Variants in SORBS2 observed in about 807,000 individuals in gnomAD.
SORBS2 encodes sorbin and SH3 domain-containing protein 2.
Under a neutral mutation model 97.7 loss-of-function variants are expected in SORBS2, and 46 were observed. The ratio of observed to expected loss-of-function variants is 0.47; its 90% CI spans 0.37 to 0.60. The LOEUF (loss-of-function observed/expected upper bound fraction) is 0.60, where lower values mean the gene tolerates loss of function less well. Among genes scored for constraint, SORBS2 ranks in the 20% least tolerant of loss-of-function variants. The pLI, the probability that SORBS2 is intolerant of heterozygous loss-of-function variation, is 0.00. For missense variants in SORBS2, 1,316 were observed against 1,282.3 expected (o/e 1.03, Z -0.40); for synonymous variants, 476 against 473.4 (o/e 1.01, Z -0.07).
intron 1 of SORBS2, among the ~76,000 whole-genome samples, chr4:185,804,230 C>T (rs1023669999): frequency 1.6e-4 from 24 of 152,210 alleles, no homozygotes; most frequent in Admixed American, 3.9e-4. Context: ...TGGAACCACA[C>T]GCAGGTTACC....
At chr4:185,686,417 C>A (rs2097960329) in intron 2 of SORBS2, among the ~76,000 whole-genome samples, 2 of 151,898 alleles carry the variant, frequency 1.3e-5, no homozygotes, top group African/African-American at 2.4e-5. Context: ...AACCAGAAAA[C>A]CAACTTGAAA....
intron 1 of SORBS2, among the ~76,000 whole-genome samples, chr4:185,828,801 G>T (rs972310584): frequency 6.6e-6 from 1 of 152,128 alleles, no homozygotes; most frequent in Non-Finnish European, 1.5e-5. Context: ...GGGCTTTGCA[G>T]GTCAGGCGAT....
intron 1 of SORBS2, chr4:185,775,728 A>T (rs1560956288): frequency 6.6e-6 from 1 of 152,344 alleles, no homozygotes; most frequent in East Asian, 1.9e-4. Context: ...GAGATGTCCT[A>T]CTTATGCTTT....
intron 1 of SORBS2, among the ~76,000 whole-genome samples, chr4:185,864,229 C>T (rs981280337): frequency 6.6e-6 from 1 of 152,090 alleles, no homozygotes; most frequent in Non-Finnish European, 1.5e-5. Flanking sequence ...TCAAGAAAAA[C>T]ACTCATGCCA....
At chr4:185,932,102 TACAC>T (rs1419689704) in intron 1 of SORBS2, among the ~76,000 whole-genome samples, 2 of 151,682 alleles carry the variant, frequency 1.3e-5, no homozygotes, top group Non-Finnish European at 2.9e-5. Flanking sequence ...GTTTATTATA[TACAC>T]ATAATAAACA....
intron 4 of SORBS2, chr4:185,635,387 C>T (rs1388181905): frequency 6.2e-7 from 1 of 1,613,734 alleles, no homozygotes; most frequent in Non-Finnish European, 8.5e-7. Flanking sequence ...TGATCTTGAA[C>T]ATAGTCCAGA....
chr4:185,731,860 CTCTCTCTATATATATA>C lies in SORBS2; in HGVS notation c.-198+43351_-198+43366del, dbSNP rs1307797587. Among the ~76,000 whole-genome samples, 238 of 34,272 alleles carry C rather than the reference CTCTCTCTATATATATA, an allele frequency of 6.9e-3. 3 individuals are homozygous for C. The highest frequency in any genetic ancestry group is 7.9e-3 in the Non-Finnish European group (146 of 18,368). 22.5% of individuals were successfully genotyped at this position (34,272 alleles called of 152,430 possible). ...TCTCTCTCTCTCTCTCTCTCTCTCT[CTCTCTCTATATATATA>C]TATATATATATATATATATATATAT... On this transcript the variant is annotated intron_variant, in intron 2 of 20. Coordinates refer to the SORBS2 transcript ENST00000284776.
rs1037683491 is a variant in SORBS2 at position 185,606,290 on chromosome 4, A to G, written c.2796+5490T>C. On this transcript the variant is annotated intron_variant, in intron 12 of 14. Coordinates refer to ENST00000418609, the Ensembl canonical transcript of SORBS2. This position sits in a 1 kb window ranked among gnomAD's most constrained non-coding sequence, Gnocchi z 4.3. Reference sequence around the variant, plus strand: ...CTCAGTAAGAGCTCCACTATTAGCTATCATTGTTAATATTGGAAGATTACA... The same window carrying G: ...CTCAGTAAGAGCTCCACTATTAGCTGTCATTGTTAATATTGGAAGATTACA... 1.0e-6 allele frequency: 1 copy of G among 980,226 alleles called. No homozygotes were observed. The highest frequency in any genetic ancestry group is 1.8e-5 in the African/African-American group (1 of 57,134). 60.7% of individuals were successfully genotyped at this position (980,226 alleles called of 1,614,324 possible).
intron 2 of SORBS2, among the ~76,000 whole-genome samples, chr4:185,752,382 T>TA (rs2098806006): frequency 6.6e-6 from 1 of 152,074 alleles, no homozygotes. Context: ...TTCGCGCCAT[T>TA]CTCCTGCCTC....
chr4:185,905,864 C>T (rs994952730), intron 1 of SORBS2, among the ~76,000 whole-genome samples: 2 of 152,290 alleles, frequency 1.3e-5, no homozygotes, highest in Non-Finnish European at 2.9e-5. Context: ...GTAGTCAGGG[C>T]CCTTCAAACA....
In SORBS2 at chr4:185,721,394, T is replaced by C. The variant is rs180700155; in HGVS notation, c.-197-42572A>G. Among the ~76,000 whole-genome samples, 11 of 152,150 alleles carry C rather than the reference T, an allele frequency of 7.2e-5. No individual in the cohort carries two copies. In the South Asian group the frequency reaches 1.2e-3, roughly 17 times the overall value. ...CCGGTCCCCACCTACTCTTTAACTA[T>C]GACAGATGTGAACGTTTGATCTCTT... On this transcript the variant is annotated intron_variant, in intron 2 of 20. Transcript: ENST00000284776.
At chr4:185,657,573 G>A, upstream of SORBS2, 1 of 1,589,128 alleles carries the variant, frequency 6.3e-7, no homozygotes, top group Non-Finnish European at 8.5e-7. Context: ...GACTGCGCAT[G>A]CTGGGGATAT....
rs113500166 is a variant in SORBS2, at chr4:185,652,659, T to C, written c.91+3A>G. On this transcript the variant is annotated splice_donor_region_variant and intron_variant, in intron 2 of 14. Coordinates refer to ENST00000418609, the Ensembl canonical transcript of SORBS2. ...TCATCAGAAAGCAGAGCAGCAGACA[T>C]ACCCGGCTTGTGCACCATGTGAATT... The C allele has an allele frequency of 1.1e-5, 18 of 1,613,160 alleles. No homozygotes were observed. Among genetic ancestry groups the C allele is most frequent in the Non-Finnish European group, 1.4e-5 (17 of 1,179,050 alleles).
At chr4:185,700,658 T>A (rs1212594947) in intron 2 of SORBS2, among the ~76,000 whole-genome samples, 1 of 152,224 alleles carries the variant, frequency 6.6e-6, no homozygotes, top group Non-Finnish European at 1.5e-5. Context: ...GCTGGGTTTT[T>A]AACCATCTGG....
rs567035326 is a variant in SORBS2, at chr4:185,726,502, AC to A, written c.-197-47681del. On this transcript the variant is annotated intron_variant, in intron 2 of 20. Coordinates refer to the SORBS2 transcript ENST00000284776. ...GTTTTCAGGGACCATTTTTCAAAAG[AC>A]CCATTCCCCCAAGATACTTAACCTA... 5.7e-4 allele frequency among the ~76,000 whole-genome samples: 87 copies of A among 152,170 alleles called. 1 individual carries two copies. The South Asian group carries it at 0.018, about 31-fold the overall frequency.
intron 3 of SORBS2, 68 bp from the exon 13 acceptor site, chr4:185,646,850 T>A: frequency 1.1e-6 from 1 of 919,454 alleles, no homozygotes; most frequent in Non-Finnish European, 1.8e-6. Flanking sequence ...GTAAAACCAG[T>A]TATCTGTTTT....
rs2153517830 is a variant in SORBS2, at chr4:185,690,661, T to A, written c.-197-11839A>T. ...TTGTTCACTAGCATGTGGAAGAAAATATCATGAAAGTGTGTCGCATTTTTG... is the reference window on the plus strand; with the variant it reads ...TTGTTCACTAGCATGTGGAAGAAAAAATCATGAAAGTGTGTCGCATTTTTG... On this transcript the variant is annotated intron_variant, in intron 2 of 20. Transcript: ENST00000284776. 3 of 785,696 alleles carry A rather than the reference T, an allele frequency of 3.8e-6. No homozygotes were observed. In the Admixed American group the frequency reaches 7.8e-5, roughly 20 times the overall value. 48.7% of individuals were successfully genotyped at this position (785,696 alleles called of 1,614,324 possible). A position where few individuals can be genotyped will look rare whatever the true frequency, so the allele number is the denominator to read the frequency against.
chr4:185,955,774 T>C (rs1018244617), intron 1 of SORBS2, among the ~76,000 whole-genome samples: 2 of 152,180 alleles, frequency 1.3e-5, no homozygotes, highest in African/African-American at 4.8e-5. Context: ...GCTCTTTCTC[T>C]ACCTTTGATC....
At chr4:185,727,810 G>T (rs1380394431) in intron 2 of SORBS2, among the ~76,000 whole-genome samples, 1 of 152,136 alleles carries the variant, frequency 6.6e-6, no homozygotes, top group Non-Finnish European at 1.5e-5. Context: ...TCAGAAAAAT[G>T]CACCTTAATC....
Sources: allele counts gnomAD v4.1 joint callset (sites outside exome capture counted in the v4.1 genomes callset), GRCh38; gene constraint gnomAD v4.1.1; non-coding constraint Gnocchi (gnomAD v3.1); transcripts MANE v1.5; gene names NCBI Gene and HGNC (gene_info 2026-07-23, HGNC 2026-07-21).